Variants in RAF1 observed in about 807,000 individuals in gnomAD.
RAF1 encodes RAF proto-oncogene serine/threonine-protein kinase.
RAF1 carries 27 observed loss-of-function variants against 81.1 expected under a neutral mutation model. The ratio of observed to expected loss-of-function variants is 0.33; its 90% CI spans 0.25 to 0.46. The LOEUF is 0.46. RAF1 is among the 20% of genes least tolerant of loss of function. The pLI, the probability that RAF1 is intolerant of heterozygous loss-of-function variation, is 1.00. For missense variants in RAF1, 598 were observed against 826.0 expected, an observed-to-expected ratio of 0.72 and a Z score of 3.38; for synonymous variants, 298 against 294.0, an observed-to-expected ratio of 1.01 and a Z score of -0.14.
chr3:12,645,097 CA>C (rs11401342), intron 1 of RAF1, among the ~76,000 whole-genome samples: 1,275 of 65,044 alleles, frequency 0.02, 6 homozygotes, highest in African/African-American at 0.051. Flanking sequence ...GACTCAGTCT[CA>C]AAAAAAAAAA....
chr3:12,628,219 G>A (rs1260861563), intron 1 of RAF1, among the ~76,000 whole-genome samples: 8 of 152,196 alleles, frequency 5.3e-5, no homozygotes, highest in African/African-American at 1.7e-4. Context: ...CCTGCACTTC[G>A]GGAGACCGAG....
intron 1 of RAF1, among the ~76,000 whole-genome samples, chr3:12,653,947 T>C (rs368806425): frequency 1.3e-5 from 2 of 151,906 alleles, no homozygotes; most frequent in African/African-American, 4.8e-5. Context: ...GGTCAGCAGC[T>C]GCGACTGCCG....
chr3:12,649,044 G>A (rs754087576), intron 1 of RAF1, among the ~76,000 whole-genome samples: 4 of 152,090 alleles, frequency 2.6e-5, no homozygotes, highest in Non-Finnish European at 4.4e-5. Flanking sequence ...AACACAGGAG[G>A]CAGAGGTTGC....
intron 2 of RAF1, among the ~76,000 whole-genome samples, chr3:12,617,893 G>GA (rs202076627): frequency 0.012 from 1,405 of 122,158 alleles, 27 homozygotes; most frequent in African/African-American, 0.04. Flanking sequence ...AAAAAAAAAA[G>GA]AAAAGAAAAA....
rs147547744 is a variant in RAF1, at chr3:12,590,854, G to C, written c.1374C>G (p.Thr458=). 1 of 1,613,940 alleles carries C rather than the reference G, an allele frequency of 6.2e-7. No individual in the cohort carries two copies. The highest frequency in any genetic ancestry group is 8.5e-7 in the Non-Finnish European group (1 of 1,179,852). ...CAATTAGCTGGAACATCTGAAACTT[G>C]GTCTCCTGGACATGCAGGTGTTTGT... The change falls in exon 13 of 18, where the codon ACC becomes ACG. Residue 458 remains threonine, a synonymous_variant. Transcript: ENST00000442415.
At chr3:12,604,375 T>TG in intron 6 of RAF1, 86 bp from the exon 7 acceptor site, 1 of 1,393,376 alleles carries the variant, frequency 7.2e-7, no homozygotes, top group Non-Finnish European at 1.0e-6. Context: ...CTAAGTAAGA[T>TG]GCTTAAGGGC....
chr3:12,604,320 C>T (rs2125399113), intron 6 of RAF1, 31 bp from the exon 7 acceptor site: 4 of 1,606,866 alleles, frequency 2.5e-6, no homozygotes, highest in Non-Finnish European at 3.4e-6. Context: ...CCATGATTGG[C>T]ACTTAGGCTT....
intron 2 of RAF1, among the ~76,000 whole-genome samples, chr3:12,618,068 C>A (rs533360131): frequency 4.6e-5 from 7 of 152,090 alleles, no homozygotes; most frequent in Non-Finnish European, 8.8e-5. Context: ...CCAGACTGGT[C>A]CTGGGCCTAT....
intron 1 of RAF1, among the ~76,000 whole-genome samples, chr3:12,663,601 G>C (rs967264880): frequency 7.9e-5 from 12 of 152,254 alleles, no homozygotes; most frequent in Non-Finnish European, 8.8e-5. Flanking sequence ...ATTTGAGTGG[G>C]ATGTGGGAAC....
chr3:12,616,652 C>T (rs1433899694), intron 2 of RAF1, among the ~76,000 whole-genome samples: 2 of 152,150 alleles, frequency 1.3e-5, no homozygotes, highest in East Asian at 3.8e-4. Context: ...AAAGTATAAA[C>T]AATTTATTAA....
chr3:12,635,656 A>G (rs1559469866), intron 1 of RAF1, among the ~76,000 whole-genome samples: 1 of 147,518 alleles, frequency 6.8e-6, no homozygotes, highest in Non-Finnish European at 1.5e-5. Context: ...AAAAAAAAAA[A>G]AAAAGAGAGA....
chr3:12,654,557 G>A (rs201051527), intron 1 of RAF1, among the ~76,000 whole-genome samples: 16 of 151,132 alleles, frequency 1.1e-4, no homozygotes, highest in East Asian at 4.1e-4. Flanking sequence ...AGTGGAGATC[G>A]CACCACTGCA....
intron 2 of RAF1, among the ~76,000 whole-genome samples, chr3:12,617,066 C>T (rs758179319): frequency 1.1e-4 from 17 of 152,088 alleles, no homozygotes; most frequent in Non-Finnish European, 2.5e-4. Context: ...TCCCGAGTAC[C>T]GAGTAGCTGG....
intron 1 of RAF1, among the ~76,000 whole-genome samples, chr3:12,655,585 G>C (rs1391539258): frequency 6.6e-6 from 1 of 152,070 alleles, no homozygotes; most frequent in African/African-American, 2.4e-5. Flanking sequence ...ATTACCCTAA[G>C]GCACTGAAAG....
At chr3:12,624,286 T>C (rs1475276812) in intron 1 of RAF1, among the ~76,000 whole-genome samples, 2 of 152,242 alleles carry the variant, frequency 1.3e-5, no homozygotes, top group Non-Finnish European at 2.9e-5. Flanking sequence ...AACTCTAACC[T>C]GTTAATCACA....
Position 12,663,879 on chromosome 3 carries a change from C to A in RAF1, c.-93G>T. ...CAGCTTCTCGCCCGCTCCTCCTCCC[C>A]GCGGCGGGTGAGGGAGCGGGAGGCG... On this transcript the variant is annotated 5_prime_UTR_variant, in exon 1 of 18. Coordinates refer to ENST00000442415, the MANE Select transcript of RAF1 (RefSeq NM_001354689.3). 1 of 398,104 alleles carries A rather than the reference C, an allele frequency of 2.5e-6. No homozygotes were observed. The highest frequency in any genetic ancestry group is 4.4e-6 in the Non-Finnish European group (1 of 225,696). The allele number at this position is 398,104 out of a possible 1,614,324, so 24.7% of individuals were successfully genotyped here. A position where few individuals can be genotyped will look rare whatever the true frequency, so the allele number is the denominator to read the frequency against.
intron 11 of RAF1, among the ~76,000 whole-genome samples, chr3:12,593,332 C>T (rs1285073192): frequency 2.0e-5 from 3 of 152,120 alleles, no homozygotes; most frequent in African/African-American, 7.2e-5. Context: ...CTGCCTGCCT[C>T]GGCCTCCTGG....
chr3:12,599,528 T>C (rs1440822597), intron 11 of RAF1, among the ~76,000 whole-genome samples, 163 bp downstream of exon 10: 1 of 152,170 alleles, frequency 6.6e-6, no homozygotes, highest in Non-Finnish European at 1.5e-5. Flanking sequence ...GAACTTAGTC[T>C]AAAAAGAATT....
intron 2 of RAF1, among the ~76,000 whole-genome samples, chr3:12,616,174 T>C (rs1016215511): frequency 1.3e-5 from 2 of 152,192 alleles, no homozygotes; most frequent in African/African-American, 4.8e-5. Flanking sequence ...ACAGAACTTG[T>C]CTAAATGATA....
Sources: gnomAD v4.1 joint callset for allele counts (sites outside exome capture counted in the v4.1 genomes callset) on GRCh38, gnomAD v4.1.1 for gene constraint, MANE v1.5 for transcripts, NCBI Gene and HGNC (gene_info 2026-07-23, HGNC 2026-07-21) for gene names.